Variants in ZNF536 observed in about 807,000 individuals in gnomAD.
ZNF536 encodes zinc finger protein 536.
In ZNF536, 13 loss-of-function variants were observed where a neutral mutation model predicts 84.5. That is an observed-to-expected ratio of 0.15 (90% confidence interval 0.10 to 0.24). The LOEUF (loss-of-function observed/expected upper bound fraction) is 0.24, where lower values mean the gene tolerates loss of function less well. Among genes scored for constraint, ZNF536 ranks in the 10% least tolerant of loss-of-function variants. The pLI is 1.00. For missense variants in ZNF536, 1,536 were observed against 1,747.5 expected, an observed-to-expected ratio of 0.88 and a Z score of 2.16; for synonymous variants, 811 against 742.5, an observed-to-expected ratio of 1.09 and a Z score of -1.50.
chr19:30,492,958 C>G (rs1269754971), intron 2 of ZNF536, among the ~76,000 whole-genome samples: 1 of 152,058 alleles, frequency 6.6e-6, no homozygotes, highest in South Asian at 2.1e-4. Flanking sequence ...ATGTAAAAGC[C>G]GAAGACCTCT....
intron 4 of ZNF536, among the ~76,000 whole-genome samples, chr19:30,552,160 A>C (rs1409043358): frequency 6.6e-6 from 1 of 152,220 alleles, no homozygotes; most frequent in Non-Finnish European, 1.5e-5. Flanking sequence ...TAGCACAATG[A>C]ATAAAATATT....
At chr19:30,550,682 T>A (rs1443773176) in intron 4 of ZNF536, among the ~76,000 whole-genome samples, 1 of 152,168 alleles carries the variant, frequency 6.6e-6, no homozygotes, top group Non-Finnish European at 1.5e-5. Flanking sequence ...AACCTCAACA[T>A]CCTGTTGTTC....
chr19:30,618,355 A>G (rs968560668), intron 1 of ZNF536, among the ~76,000 whole-genome samples: 1 of 152,190 alleles, frequency 6.6e-6, no homozygotes, highest in Admixed American at 6.5e-5. Context: ...AATCATTACA[A>G]TTCTAATCTT....
chr19:30,528,830 G>A lies in ZNF536; in HGVS notation c.2171-6017G>A, dbSNP rs368288501. Among the ~76,000 whole-genome samples, 27 of 151,784 alleles carry A rather than the reference G, an allele frequency of 1.8e-4. 1 individual carries two copies. The highest frequency in any genetic ancestry group is 3.9e-4 in the African/African-American group (16 of 41,286). On this transcript the variant is annotated intron_variant, in intron 2 of 4. Transcript: ENST00000355537. The stretch of plus-strand genomic sequence containing the variant: ...AGGGACTAGTTAGCAACCATTTGCC[G>A]TCCTTTTTACAGTCATTTCTTCTCG...
intron 2 of ZNF536, among the ~76,000 whole-genome samples, chr19:30,487,338 G>C (rs759047153): frequency 6.6e-6 from 1 of 152,142 alleles, no homozygotes; most frequent in East Asian, 1.9e-4. Flanking sequence ...TGGACATGAT[G>C]CAGCCATTTA....
intron 1 of ZNF536, among the ~76,000 whole-genome samples, chr19:30,687,850 A>T (rs2051251022): frequency 6.6e-6 from 1 of 152,256 alleles, no homozygotes; most frequent in Non-Finnish European, 1.5e-5. Context: ...TTTAAAAAAA[A>T]CTTTTATTTG....
intron 1 of ZNF536, among the ~76,000 whole-genome samples, chr19:30,573,491 T>G (rs2046623797): frequency 6.6e-6 from 1 of 151,978 alleles, no homozygotes; most frequent in Non-Finnish European, 1.5e-5. Flanking sequence ...CTTTGCACAT[T>G]CCCCCCATTC....
At chr19:30,280,415 C>G (rs2045400450) in intron 1 of ZNF536, among the ~76,000 whole-genome samples, 1 of 152,212 alleles carries the variant, frequency 6.6e-6, no homozygotes, top group Non-Finnish European at 1.5e-5. Context: ...CTACTCCCTC[C>G]CATCCACCTA....
chr19:30,595,586 C>T (rs1568586123), intron 1 of ZNF536, among the ~76,000 whole-genome samples: 1 of 152,188 alleles, frequency 6.6e-6, no homozygotes, highest in Non-Finnish European at 1.5e-5. Flanking sequence ...CCATGCCTGG[C>T]CAGAACTCAA....
chr19:30,270,702 A>G (rs576643200), intron 1 of ZNF536, among the ~76,000 whole-genome samples: 6 of 151,866 alleles, frequency 4.0e-5, no homozygotes, highest in Admixed American at 3.9e-4. Flanking sequence ...GTTGCAGAAC[A>G]TTTAAAAATG....
chr19:30,543,203 A>G (rs11671083), intron 3 of ZNF536, among the ~76,000 whole-genome samples: 3,195 of 152,232 alleles, frequency 0.021, 61 homozygotes, highest in Admixed American at 0.029. Context: ...TGTTTTGCAT[A>G]CTCATCTGAT....
chr19:30,464,923 GGCTGGA>G (rs2053317907), intron 2 of ZNF536, among the ~76,000 whole-genome samples: 1 of 152,060 alleles, frequency 6.6e-6, no homozygotes, highest in African/African-American at 2.4e-5. Context: ...GATGGAAAGT[GGCTGGA>G]ACCCCCAAGG....
intron 1 of ZNF536, among the ~76,000 whole-genome samples, chr19:30,265,580 G>A (rs763342797): frequency 2.0e-4 from 30 of 152,186 alleles, no homozygotes; most frequent in Middle Eastern, 6.3e-3. Flanking sequence ...CTGGGGAGAC[G>A]CACTCAGAAA....
intron 1 of ZNF536, among the ~76,000 whole-genome samples, chr19:30,578,538 A>T (rs997525998): frequency 3.0e-4 from 46 of 152,320 alleles, no homozygotes; most frequent in African/African-American, 1.1e-3. Context: ...TCTCTATGTA[A>T]GTTTTTCTGG....
intron 3 of ZNF536, among the ~76,000 whole-genome samples, chr19:30,543,941 G>A (rs781368970): frequency 6.6e-6 from 1 of 152,160 alleles, no homozygotes; most frequent in East Asian, 1.9e-4. Context: ...CCTGGCCGGG[G>A]CTCACTTTCA....
chr19:30,287,270 G>C (rs1410937888), intron 2 of ZNF536, among the ~76,000 whole-genome samples: 2 of 144,818 alleles, frequency 1.4e-5, no homozygotes, highest in East Asian at 2.2e-4. Flanking sequence ...TGGATGGATG[G>C]ATTGATGAAT....
intron 1 of ZNF536, among the ~76,000 whole-genome samples, chr19:30,644,982 C>A (rs993230536): frequency 7.9e-5 from 12 of 152,174 alleles, no homozygotes; most frequent in African/African-American, 2.9e-4. Flanking sequence ...ACAGTCCCAC[C>A]AACAGTGTAA....
At chr19:30,531,524 C>T (rs953586278) in intron 2 of ZNF536, among the ~76,000 whole-genome samples, 4 of 151,718 alleles carry the variant, frequency 2.6e-5, no homozygotes, top group African/African-American at 9.7e-5. Flanking sequence ...GAGGTTTGAA[C>T]TTCTAATGAT....
In ZNF536 at chr19:30,311,571, C is replaced by G. The variant is rs2046505640; in HGVS notation, c.-120+27430C>G. 2.0e-5 allele frequency among the ~76,000 whole-genome samples: 3 copies of G among 152,148 alleles called. No homozygotes were observed. The South Asian group carries it at 6.2e-4, about 32-fold the overall frequency. On this transcript the variant is annotated intron_variant, in intron 2 of 5. Coordinates refer to the ZNF536 transcript ENST00000585628. ...TTTCCTTTTGCCATATCCATACCCTCCTATTATTTGTTTAATATTTTCATT... is the reference window on the plus strand; with the variant it reads ...TTTCCTTTTGCCATATCCATACCCTGCTATTATTTGTTTAATATTTTCATT...
Sources: gnomAD v4.1 joint callset for allele counts (sites outside exome capture counted in the v4.1 genomes callset) on GRCh38, gnomAD v4.1.1 for gene constraint, MANE v1.5 for transcripts, NCBI Gene and HGNC (gene_info 2026-07-23, HGNC 2026-07-21) for gene names.